The following ANKFN1 variants were observed in gnomAD, a reference collection of about 807,000 sequenced individuals.
ANKFN1 encodes the protein ankyrin repeat and fibronectin type-III domain-containing protein 1.
A neutral mutation model predicts 108.7 loss-of-function variants in ANKFN1; 74 were observed. The ratio of observed to expected loss-of-function variants is 0.68; its 90% CI spans 0.56 to 0.83. The LOEUF (loss-of-function observed/expected upper bound fraction) is 0.83. Ranked by LOEUF, ANKFN1 falls within the 40% of genes least tolerant of loss-of-function variation. The pLI is 0.00. For missense variants in ANKFN1, 1,505 were observed against 1,382.3 expected (o/e 1.09, Z -1.41); for synonymous variants, 547 against 516.2 (o/e 1.06, Z -0.81).
intron 3 of ANKFN1, among the ~76,000 whole-genome samples, chr17:56,287,739 A>G (rs575189805): frequency 2.6e-5 from 4 of 152,348 alleles, no homozygotes; most frequent in African/African-American, 9.6e-5. Flanking sequence ...TTGTAAATGA[A>G]ACCTTAAAAA....
intron 3 of ANKFN1, among the ~76,000 whole-genome samples, chr17:56,318,642 A>G (rs150460918): frequency 1.3e-5 from 2 of 152,298 alleles, no homozygotes; most frequent in Middle Eastern, 3.4e-3. Context: ...GGAGAAAGAC[A>G]TTCATTCCAT....
At chr17:56,507,323 C>T (rs2051602608) in intron 20 of ANKFN1, among the ~76,000 whole-genome samples, 1 of 152,066 alleles carries the variant, frequency 6.6e-6, no homozygotes. Context: ...TTATACATTT[C>T]TCTCCTTTTA....
intron 3 of ANKFN1, among the ~76,000 whole-genome samples, chr17:56,267,678 A>G (rs2043687675): frequency 6.6e-6 from 1 of 152,122 alleles, no homozygotes; most frequent in Admixed American, 6.5e-5. Context: ...TGTTATTGTC[A>G]ACTTTGTGAA....
At chr17:56,220,000 T>A (rs1329647258) in intron 2 of ANKFN1, among the ~76,000 whole-genome samples, 1 of 152,208 alleles carries the variant, frequency 6.6e-6, no homozygotes, top group Admixed American at 6.5e-5. Context: ...TTGGAGAGGA[T>A]CATTAAATCT....
intron 3 of ANKFN1, among the ~76,000 whole-genome samples, chr17:56,265,067 G>T (rs1222316677): frequency 2.0e-5 from 3 of 151,982 alleles, no homozygotes; most frequent in Non-Finnish European, 2.9e-5. Context: ...CCAGTTTAAT[G>T]TTATTTAAAA....
At chr17:56,481,082 C>CAAAA (rs11439875) in intron 17 of ANKFN1, among the ~76,000 whole-genome samples, 695 of 65,548 alleles carry the variant, frequency 0.011, 20 homozygotes, top group African/African-American at 0.024. Context: ...GTCTGGTCAG[C>CAAAA]AAAAAAAAAA....
At chr17:56,455,976 TA>T (rs1336653563) in intron 11 of ANKFN1, among the ~76,000 whole-genome samples, 2 of 152,156 alleles carry the variant, frequency 1.3e-5, no homozygotes. Context: ...TAAACCAACA[TA>T]CACAATGAAG....
chr17:56,424,017 G>A (rs891585332), intron 8 of ANKFN1, among the ~76,000 whole-genome samples: 1 of 152,136 alleles, frequency 6.6e-6, no homozygotes, highest in East Asian at 1.9e-4. Flanking sequence ...ACTGAAGGTG[G>A]AGAACCTAAA....
At chr17:56,418,977 A>G (rs2048319626) in intron 8 of ANKFN1, among the ~76,000 whole-genome samples, 1 of 152,182 alleles carries the variant, frequency 6.6e-6, no homozygotes, top group Non-Finnish European at 1.5e-5. Context: ...CTCCGATCTC[A>G]GGGGGATTAG....
intron 4 of ANKFN1, among the ~76,000 whole-genome samples, chr17:56,139,623 A>G (rs1386591641): frequency 1.3e-5 from 2 of 152,186 alleles, no homozygotes; most frequent in Admixed American, 1.3e-4. Context: ...ACCATTCTAT[A>G]TCAGGAAATG....
rs778400361 is a variant in ANKFN1 at position 56,442,856 on chromosome 17, T to G, written c.1022T>G (p.Phe341Cys). The change falls in exon 10 of 21, where the codon TTT (phenylalanine) becomes TGT (cysteine). Residue 341 changes from phenylalanine (F) to cysteine (C), a missense_variant. By Grantham distance (205) the Phe-to-Cys change is radical. Coordinates refer to ENST00000682825, the MANE Select transcript of ANKFN1 (RefSeq NM_001370326.1). ...ITGLTMGQQY[F>C]VQVSAYNMKG... ...AATACTTTGCAGGGCCAACAGTATT[T>G]TGTTCAAGTCTCGGCTTACAATATG... The G allele has an allele frequency of 1.2e-6, 2 of 1,613,638 alleles. No individual in the cohort carries two copies. The highest frequency in any genetic ancestry group is 8.5e-7 in the Non-Finnish European group (1 of 1,179,728).
chr17:56,054,499 A>G (rs922512549), intron 4 of ANKFN1, among the ~76,000 whole-genome samples: 4 of 150,712 alleles, frequency 2.7e-5, no homozygotes, highest in African/African-American at 9.7e-5. Flanking sequence ...AACAAAATTC[A>G]CATGATTTTT....
chr17:56,303,851 ATTTTTTTT>A (rs34077118), intron 3 of ANKFN1, among the ~76,000 whole-genome samples: 2 of 131,944 alleles, frequency 1.5e-5, no homozygotes, highest in African/African-American at 2.9e-5. Flanking sequence ...CGCTGAGCCA[ATTTTTTTT>A]TTTTTTTTTT....
intron 3 of ANKFN1, among the ~76,000 whole-genome samples, chr17:56,256,739 A>G (rs752708448): frequency 3.3e-5 from 5 of 152,218 alleles, no homozygotes; most frequent in Non-Finnish European, 7.3e-5. Flanking sequence ...AATATCCTCC[A>G]TTTTACAGAT....
At chr17:56,123,043 T>C (rs1906715107) in intron 4 of ANKFN1, among the ~76,000 whole-genome samples, 2 of 152,248 alleles carry the variant, frequency 1.3e-5, no homozygotes, top group Admixed American at 1.3e-4. Context: ...CCAGGAACTT[T>C]ACTAAGCATT....
chr17:56,511,090 C>A lies in ANKFN1; in HGVS notation c.3262C>A (p.Arg1088Ser). The change falls in exon 21 of 21, where the codon CGC becomes AGC. Residue 1088 changes from arginine (R) to serine (S), a missense_variant. Arg to Ser is a moderately radical substitution (Grantham distance 110, BLOSUM62 -1). Coordinates refer to ENST00000682825, the MANE Select transcript of ANKFN1 (RefSeq NM_001370326.1). ...SSLQDARPSVRRLYVEPYAAA... is the reference protein window; with the variant it reads ...SSLQDARPSVSRLYVEPYAAA... Reference sequence around the variant, plus strand: ...TCTCCAGGACGCGAGGCCTTCCGTCCGCCGCCTCTACGTGGAGCCCTACGC... The same window carrying A: ...TCTCCAGGACGCGAGGCCTTCCGTCAGCCGCCTCTACGTGGAGCCCTACGC... The A allele has an allele frequency of 6.5e-7, 1 of 1,535,976 alleles. No individual in the cohort carries two copies. Among genetic ancestry groups the A allele is most frequent in the Non-Finnish European group, 8.7e-7 (1 of 1,146,848 alleles).
chr17:56,418,378 A>G (rs1231275557), intron 8 of ANKFN1, among the ~76,000 whole-genome samples: 2 of 152,198 alleles, frequency 1.3e-5, no homozygotes, highest in Non-Finnish European at 2.9e-5. Context: ...GTTTTTTAAA[A>G]CTGGGATTAA....
chr17:56,374,574 A>G, intron 7 of ANKFN1, 27 bp from the exon 8 acceptor site: 1 of 1,531,226 alleles, frequency 6.5e-7, no homozygotes, highest in Non-Finnish European at 9.0e-7. Flanking sequence ...CTATGTTAAG[A>G]TCCTTGTGTT....
intron 4 of ANKFN1, among the ~76,000 whole-genome samples, chr17:56,118,857 T>C (rs1906433546): frequency 6.6e-6 from 1 of 152,174 alleles, no homozygotes; most frequent in Non-Finnish European, 1.5e-5. Context: ...TTAATGGATT[T>C]GTAATCTATT....
Sources: allele counts gnomAD v4.1 joint callset (sites outside exome capture counted in the v4.1 genomes callset), GRCh38; gene constraint gnomAD v4.1.1; transcripts MANE v1.5; gene names NCBI Gene and HGNC (gene_info 2026-07-23, HGNC 2026-07-21).